Variants in FLYWCH1 observed in about 807,000 individuals in gnomAD.
FLYWCH1 encodes the protein FLYWCH-type zinc finger-containing protein 1.
Under a neutral mutation model 66.4 loss-of-function variants are expected in FLYWCH1, and 75 were observed. The observed-to-expected ratio is 1.13, with a 90% CI of 0.94 to 1.37. The LOEUF is 1.37. Ranked by LOEUF, FLYWCH1 falls within the 40% of genes most tolerant of loss-of-function variation. The probability of loss-of-function intolerance (pLI) is 0.00; values close to 1 mark genes in which losing one functional copy is unlikely to be tolerated. For missense variants in FLYWCH1, 1,334 were observed against 1,001.8 expected (o/e 1.33, Z -4.48); for synonymous variants, 595 against 429.9 (o/e 1.38, Z -4.75).
Position 2,945,865 on chromosome 16 carries a change from C to A in FLYWCH1, c.2112-2823C>A, listed in dbSNP as rs556237811. Among the ~76,000 whole-genome samples, 491 of 151,950 alleles carry A rather than the reference C, an allele frequency of 3.2e-3. 2 individuals are homozygous for A. Among genetic ancestry groups the A allele is most frequent in the African/African-American group, 0.011 (456 of 41,428 alleles). On this transcript the variant is annotated intron_variant, in intron 9 of 9. Transcript: ENST00000253928. ...ACAAAAAATTAGCCGAGCGTGGTGG[C>A]AGGTGCCTGTAGTCCCAGTTACTCG...
chr16:2,943,030 C>T (rs2151012854), intron 9 of FLYWCH1, among the ~76,000 whole-genome samples: 1 of 152,204 alleles, frequency 6.6e-6, no homozygotes, highest in South Asian at 2.1e-4. Context: ...TGGTAAAGAG[C>T]TCCTATGTGG....
chr16:2,941,678 A>T (rs1365487152), intron 9 of FLYWCH1, among the ~76,000 whole-genome samples: 1 of 152,006 alleles, frequency 6.6e-6, no homozygotes, highest in Non-Finnish European at 1.5e-5. Context: ...GGAGTTCCAT[A>T]CTAGCATGGG....
chr16:2,940,985 G>A (rs570946414), intron 9 of FLYWCH1, among the ~76,000 whole-genome samples: 4 of 152,270 alleles, frequency 2.6e-5, no homozygotes, highest in Middle Eastern at 3.4e-3. Context: ...ACAAAAATTA[G>A]TCAGGCATGG....
At chr16:2,927,145 T>C (rs9937853) in intron 2 of FLYWCH1, among the ~76,000 whole-genome samples, 40,621 of 152,056 alleles carry the variant, frequency 0.27, 5,877 homozygotes, top group East Asian at 0.45. Flanking sequence ...AAGCAACCCA[T>C]GGCGGTGGTG....
rs1278618598 is a variant in FLYWCH1 at position 2,950,804 on chromosome 16, TGA to T, written c.*2080_*2081del. 6.6e-6 allele frequency: 1 copy of T among 152,210 alleles called. No homozygotes were observed. Among genetic ancestry groups the T allele is most frequent in the Non-Finnish European group, 1.5e-5 (1 of 68,044 alleles). The allele number at this position is 152,210 out of a possible 1,614,324, so 9.4% of individuals were successfully genotyped here. On this transcript the variant is annotated 3_prime_UTR_variant, in exon 10 of 10. Coordinates refer to ENST00000253928, the MANE Select transcript of FLYWCH1 (RefSeq NM_001308068.2). Reference sequence around the variant, plus strand: ...CAGACGGCAGCTCGCGTTGCTGGGCTGAGATTCTCCAATGGACGTGAATTTAG... The same window carrying T: ...CAGACGGCAGCTCGCGTTGCTGGGCTGATTCTCCAATGGACGTGAATTTAG...
In FLYWCH1 at chr16:2,933,538, A is replaced by G. The variant is rs199772403; in HGVS notation, c.1205A>G (p.Gln402Arg). The change falls in exon 5 of 10, where the codon CAG becomes CGG. Residue 402 changes from glutamine (Q) to arginine (R), a missense_variant. Transcript: ENST00000253928. ...AKVEDQELPT[Q>R]PEAPDEHQDM... ...GTCGAAGACCAGGAGCTGCCAACCC[A>G]GCCCGAGGCCCCAGACGAGCACCAG... is the stretch of plus-strand genomic sequence containing the variant. 1,626 of 1,608,882 alleles carry G rather than the reference A, an allele frequency of 1.0e-3. 3 individuals carry two copies. Among genetic ancestry groups the G allele is most frequent in the Middle Eastern group, 3.0e-3 (18 of 6,034 alleles).
intron 2 of FLYWCH1, among the ~76,000 whole-genome samples, chr16:2,925,192 G>A (rs2070515304): frequency 6.6e-6 from 1 of 152,226 alleles, no homozygotes; most frequent in Admixed American, 6.5e-5. Flanking sequence ...CTGGCTGGGA[G>A]GGAGGCCGGG....
intron 9 of FLYWCH1, among the ~76,000 whole-genome samples, chr16:2,948,199 C>T (rs2071562390): frequency 6.6e-6 from 1 of 152,002 alleles, no homozygotes; most frequent in Non-Finnish European, 1.5e-5. Flanking sequence ...CAGGGAATTC[C>T]CCAGGTGTGT....
intron 2 of FLYWCH1, among the ~76,000 whole-genome samples, chr16:2,920,642 G>A (rs1476526786): frequency 6.6e-6 from 1 of 151,924 alleles, no homozygotes; most frequent in Non-Finnish European, 1.5e-5. Flanking sequence ...GAGTGCAATA[G>A]CGTGAGCTCC....
chr16:2,934,053 C>G, intron 6 of FLYWCH1, 74 bp downstream of exon 6: 10 of 1,424,488 alleles, frequency 7.0e-6, no homozygotes, highest in Non-Finnish European at 9.2e-6. Context: ...CCTCTCCATG[C>G]TGCGGCTCCC....
At chr16:2,931,798 T>C (rs921247413) in intron 4 of FLYWCH1, among the ~76,000 whole-genome samples, 1 of 151,922 alleles carries the variant, frequency 6.6e-6, no homozygotes, top group African/African-American at 2.4e-5. Context: ...TGAAACCCTG[T>C]CTCTACTAAA....
rs746331924 is a variant in FLYWCH1, at chr16:2,930,849, G to T, written c.765G>T (p.Leu255=). Residue 255 remains leucine (L), a synonymous_variant, in exon 4 of 10, where the codon CTG becomes CTT. Coordinates refer to ENST00000253928, the MANE Select transcript of FLYWCH1 (RefSeq NM_001308068.2). ...EAPRALSLLS[L]PPKKRSILGL... ...CCCGAGCCCTGTCACTGCTGAGCCT[G>T]CCGCCCAAGAAGCGCTCGATCCTGG... 4.0e-5 allele frequency: 64 copies of T among 1,601,588 alleles called. No homozygotes were observed. The highest frequency in any genetic ancestry group is 5.2e-5 in the Non-Finnish European group (61 of 1,177,662).
At chr16:2,940,004 A>T (rs761394360) in intron 8 of FLYWCH1, 28 bp from the exon 9 acceptor site, 1 of 1,580,768 alleles carries the variant, frequency 6.3e-7, no homozygotes. Context: ...AGAATTATTA[A>T]TTCATATTTT....
intron 6 of FLYWCH1, among the ~76,000 whole-genome samples, 179 bp downstream of exon 6, chr16:2,934,158 G>C (rs2150967644): frequency 6.6e-6 from 1 of 152,214 alleles, no homozygotes; most frequent in East Asian, 1.9e-4. Context: ...GCTTTCAATG[G>C]GTCTCACCTT....
intron 9 of FLYWCH1, among the ~76,000 whole-genome samples, chr16:2,945,922 G>T (rs533295392): frequency 1.3e-5 from 2 of 151,936 alleles, no homozygotes; most frequent in African/African-American, 2.4e-5. Flanking sequence ...GCGTGAACCC[G>T]GGAGGCAGAG....
chr16:2,949,861 C>T lies in FLYWCH1; in HGVS notation c.*1134C>T. On this transcript the variant is annotated 3_prime_UTR_variant, in exon 10 of 10. Transcript: ENST00000253928. The stretch of plus-strand genomic sequence containing the variant: ...ACATCCCTCTTGCAGCAACAGTTGG[C>T]CGCCGTGAAACCACACTCCGTCACA... 1 of 152,208 alleles carries T rather than the reference C, an allele frequency of 6.6e-6. No individual in the cohort carries two copies. 9.4% of individuals were successfully genotyped at this position (152,208 alleles called of 1,614,324 possible).
At chr16:2,937,755 T>C (rs1471036664) in intron 7 of FLYWCH1, among the ~76,000 whole-genome samples, 1 of 149,278 alleles carries the variant, frequency 6.7e-6, no homozygotes, top group East Asian at 1.9e-4. Context: ...CACGGGGTTC[T>C]CTCTGGCCAC....
intron 2 of FLYWCH1, among the ~76,000 whole-genome samples, chr16:2,916,649 C>A (rs746176127): frequency 3.3e-5 from 5 of 150,848 alleles, no homozygotes; most frequent in Non-Finnish European, 7.4e-5. Context: ...AAAAACAAAA[C>A]AAAACAAAAA....
chr16:2,930,491 A>G lies in FLYWCH1; in HGVS notation c.407A>G (p.Glu136Gly). The G allele has an allele frequency of 2.6e-6, 4 of 1,530,904 alleles. No individual in the cohort carries two copies. The highest frequency in any genetic ancestry group is 3.5e-6 in the Non-Finnish European group (4 of 1,143,336). The allele number at this position is 1,530,904 out of a possible 1,614,324, so 94.8% of individuals were successfully genotyped here. ...LVLESFLYKQ[E>G]KAVGDKVYWK... ...CTGGAGTCCTTCCTGTACAAGCAGG[A>G]GAAGGCAGTGGGGGACAAGGTGTAC... Residue 136 changes from glutamate (E) to glycine (G), a missense_variant, in exon 4 of 10, where the codon GAG (glutamate) becomes GGG (glycine). Glu to Gly is a moderately conservative substitution (Grantham distance 98). Transcript: ENST00000253928.
Sources: gnomAD v4.1 joint callset for allele counts (sites outside exome capture counted in the v4.1 genomes callset) on GRCh38, gnomAD v4.1.1 for gene constraint, MANE v1.5 for transcripts, NCBI Gene and HGNC (gene_info 2026-07-23, HGNC 2026-07-21) for gene names.